The following ASAH1 variants were observed in gnomAD, a reference collection of about 807,000 sequenced individuals.
ASAH1 encodes the protein N-acylsphingosine amidohydrolase 1, also known as acid ceramidase.
In ASAH1, 70 loss-of-function variants were observed where a neutral mutation model predicts 59.5. The observed-to-expected ratio is 1.18, with a 90% CI of 0.97 to 1.43. The LOEUF is 1.43. ASAH1 is among the 40% of genes most tolerant of loss of function. The pLI is 0.00. For synonymous variants in ASAH1, 213 were observed against 166.5 expected, an observed-to-expected ratio of 1.28 and a Z score of -2.15; for missense variants, 660 against 482.5, an observed-to-expected ratio of 1.37 and a Z score of -3.45.
intron 3 of ASAH1, among the ~76,000 whole-genome samples, chr8:18,070,252 C>A (rs754745257): frequency 6.6e-6 from 1 of 152,150 alleles, no homozygotes; most frequent in Non-Finnish European, 1.5e-5. Context: ...CGGGTTCAAG[C>A]GATTCTCTTG....
At chr8:18,057,777 A>G in intron 13 of ASAH1, 154 bp from the exon 14 acceptor site, 1 of 266,602 alleles carries the variant, frequency 3.8e-6, no homozygotes, top group South Asian at 4.8e-5. Flanking sequence ...TATAATGTAT[A>G]TATTTATATT....
chr8:18,062,675 T>A (rs1564538726), intron 7 of ASAH1: 2 of 505,302 alleles, frequency 4.0e-6, no homozygotes, highest in East Asian at 3.8e-5. Context: ...CATAGAATGC[T>A]AATTACAATA....
chr8:18,083,763 T>G, intron 1 of ASAH1: 1 of 903,668 alleles, frequency 1.1e-6, no homozygotes, highest in South Asian at 1.7e-5. Context: ...AGGATTTCCT[T>G]TAAAGGAGTT....
chr8:18,061,753 C>G lies in ASAH1; in HGVS notation c.649-13G>C. On this transcript the variant is annotated splice_polypyrimidine_tract_variant and intron_variant, in intron 8 of 13. Coordinates refer to ENST00000637790, the MANE Select transcript of ASAH1 (RefSeq NM_177924.5). ...GACTGAACAGTCCCTGAGAAAAAGA[C>G]AAAGCAACGAAGTCAGAAACATCAA... 6.4e-7 allele frequency: 1 copy of G among 1,563,686 alleles called. No homozygotes were observed. Among genetic ancestry groups the G allele is most frequent in the Non-Finnish European group, 8.7e-7 (1 of 1,152,608 alleles).
chr8:18,070,760 T>C (rs562015214), intron 3 of ASAH1, among the ~76,000 whole-genome samples: 4 of 152,318 alleles, frequency 2.6e-5, no homozygotes, highest in African/African-American at 7.2e-5. Context: ...ACTTAACGTA[T>C]AGGGCAGAAA....
rs778242613 is a variant in ASAH1, at chr8:18,071,365, T to C, written c.151A>G (p.Thr51Ala). Reference sequence around the variant, plus strand: ...TAGGGTGGTAAGTCAAGATTTATGGTGTACCATGGAACTGCACCTCTGTAC... The same window carrying C: ...TAGGGTGGTAAGTCAAGATTTATGGCGTACCATGGAACTGCACCTCTGTAC... ...PTYRGAVPWY[T>A]INLDLPPYKR... The change falls in exon 3 of 14, where the codon ACC becomes GCC. Residue 51 changes from threonine to alanine, a missense_variant. Thr to Ala is a moderately conservative substitution (Grantham distance 58). Coordinates refer to ENST00000637790, the MANE Select transcript of ASAH1 (RefSeq NM_177924.5). 44 of 1,600,932 alleles carry C rather than the reference T, an allele frequency of 2.7e-5. No homozygotes were observed. The highest frequency in any genetic ancestry group is 1.7e-6 in the Non-Finnish European group (2 of 1,171,122).
intron 3 of ASAH1, 57 bp from the exon 4 acceptor site, chr8:18,069,935 C>T: frequency 7.7e-7 from 1 of 1,293,244 alleles, no homozygotes; most frequent in Admixed American, 1.7e-5. Context: ...TCAAGATTAC[C>T]TTTTGGCTTA....
At chr8:18,074,902 G>C (rs1460349737) in intron 2 of ASAH1, among the ~76,000 whole-genome samples, 1 of 152,070 alleles carries the variant, frequency 6.6e-6, no homozygotes, top group African/African-American at 2.4e-5. Flanking sequence ...GCACCATAGA[G>C]AATCACAGGT....
At chr8:18,065,252 C>T (rs546453490) in intron 5 of ASAH1, 11 of 151,866 alleles carry the variant, frequency 7.2e-5, no homozygotes, top group African/African-American at 2.7e-4. Context: ...TGTTATTCTT[C>T]TTAATCCATA....
At chr8:18,067,100 T>TGCACCTGTGCTGTATATCTAAGACATAAA in intron 5 of ASAH1, 120 bp downstream of exon 5, 4 of 548,494 alleles carry the variant, frequency 7.3e-6, no homozygotes, top group Non-Finnish European at 9.1e-6. Flanking sequence ...CTAAGACCTG[T>TGCACCTGTGCTGTATATCTAAGACATAAA]GCACCTGTGC....
Position 18,059,414 on chromosome 8 carries a change from C to A in ASAH1, c.968G>T (p.Arg323Leu), listed in dbSNP as rs144363797. Residue 323 changes from arginine (R) to leucine (L), a missense_variant, in exon 12 of 14, where the codon CGT becomes CTT. Transcript: ENST00000637790. ...RWYVVQTNYDRWKHPFFLDDR... is the reference protein window; with the variant it reads ...RWYVVQTNYDLWKHPFFLDDR... ...ATCAAGGAAGAAGGGATGTTTCCAA[C>A]GGTCATAATTTGTTTGTACCACATA... 26 of 1,614,018 alleles carry A rather than the reference C, an allele frequency of 1.6e-5. No homozygotes were observed. Among genetic ancestry groups the A allele is most frequent in the Non-Finnish European group, 2.1e-5 (25 of 1,180,034 alleles).
intron 2 of ASAH1, chr8:18,073,157 A>G: frequency 8.8e-7 from 1 of 1,138,348 alleles, no homozygotes; most frequent in Middle Eastern, 2.0e-4. Context: ...AAGCTTAGCC[A>G]TAATTGCACA....
chr8:18,075,105 C>T (rs1800343530), intron 2 of ASAH1, among the ~76,000 whole-genome samples: 1 of 150,204 alleles, frequency 6.7e-6, no homozygotes, highest in East Asian at 1.9e-4. Flanking sequence ...ACGCCATTCT[C>T]CTGCCTCAGC....
chr8:18,079,484 A>G (rs1459011208), intron 1 of ASAH1, among the ~76,000 whole-genome samples: 1 of 152,174 alleles, frequency 6.6e-6, no homozygotes, highest in African/African-American at 2.4e-5. Context: ...GGTCTCAATG[A>G]AAGCGCCATA....
rs199950720 is a variant in ASAH1, at chr8:18,059,676, G to C, written c.813C>G (p.Thr271=). The C allele has an allele frequency of 6.2e-6, 10 of 1,613,932 alleles. No homozygotes were observed. The highest frequency in any genetic ancestry group is 1.7e-5 in the Admixed American group (1 of 60,002). Residue 271 remains threonine, a synonymous_variant, in exon 11 of 14, where the codon ACC becomes ACG. Coordinates refer to ENST00000637790, the MANE Select transcript of ASAH1 (RefSeq NM_177924.5). ...AGGCTGGGGCCAATATCTTGGTCTT[G>C]GTCAATAAATTCTTGGCTTCTTCAT... The part of the protein sequence containing the change: ...TSYEEAKNLL[T]KTKILAPAYF...
At chr8:18,069,140 CAAA>C (rs34419879) in intron 4 of ASAH1, among the ~76,000 whole-genome samples, 1,016 of 90,078 alleles carry the variant, frequency 0.011, 10 homozygotes, top group African/African-American at 0.042. Context: ...GATGAGGTCT[CAAA>C]AAAAAAAAAA....
chr8:18,066,730 A>T (rs1283918526), intron 5 of ASAH1: 1 of 155,928 alleles, frequency 6.4e-6, no homozygotes, highest in Non-Finnish European at 1.4e-5. Context: ...CTAGGTATAT[A>T]TCCAGAAAAT....
intron 6 of ASAH1, 88 bp downstream of exon 6, chr8:18,064,369 C>A (rs1285978241): frequency 1.9e-6 from 2 of 1,049,916 alleles, no homozygotes; most frequent in East Asian, 5.1e-5. Flanking sequence ...ACATAGCAAG[C>A]CCAAATTTCA....
chr8:18,075,578 C>T lies in ASAH1; in HGVS notation c.88G>A (p.Asp30Asn), dbSNP rs200758704. 1.7e-4 allele frequency: 275 copies of T among 1,614,002 alleles called. 1 individual carries two copies. The highest frequency in any genetic ancestry group is 1.6e-4 in the Middle Eastern group (1 of 6,084). The change falls in exon 2 of 14, where the codon GAC becomes AAC. Residue 30 changes from aspartate to asparagine, a missense_variant. Physicochemically the swap from Asp to Asn is conservative, Grantham distance 23. Coordinates refer to ENST00000637790, the MANE Select transcript of ASAH1 (RefSeq NM_177924.5). Reference sequence around the variant, plus strand: ...GGAGGATAGGTTGATTTTCTGCAGTCCTCTGTCCACTGAAAAGCAAAGAAA... The same window carrying T: ...GGAGGATAGGTTGATTTTCTGCAGTTCTCTGTCCACTGAAAAGCAAAGAAA... Reference protein sequence around the residue: ...VAQHAPPWTEDCRKSTYPPSG... With the variant: ...VAQHAPPWTENCRKSTYPPSG...
Sources: gnomAD v4.1 joint callset for allele counts (sites outside exome capture counted in the v4.1 genomes callset) on GRCh38, gnomAD v4.1.1 for gene constraint, MANE v1.5 for transcripts, NCBI Gene and HGNC (gene_info 2026-07-23, HGNC 2026-07-21) for gene names.